The following NMT1 variants were observed in gnomAD, a reference collection of about 807,000 sequenced individuals.
The protein encoded by NMT1 is N-myristoyltransferase 1, also known as glycylpeptide N-tetradecanoyltransferase 1.
NMT1 carries 12 observed loss-of-function variants against 63.4 expected under a neutral mutation model. The ratio of observed to expected loss-of-function variants is 0.19; its 90% confidence interval spans 0.12 to 0.31. The LOEUF is 0.31. NMT1 is among the 10% of genes least tolerant of loss of function. The pLI is 1.00. For synonymous variants in NMT1, 228 were observed against 234.3 expected (o/e 0.97, Z 0.25); for missense variants, 432 against 634.6 (o/e 0.68, Z 3.43).
chr17:45,073,917 CT>C (rs2053959364), intron 1 of NMT1, among the ~76,000 whole-genome samples: 1 of 152,266 alleles, frequency 6.6e-6, no homozygotes, highest in African/African-American at 2.4e-5. Context: ...TATGATAGAG[CT>C]TTTTCTTCCC....
intron 2 of NMT1, among the ~76,000 whole-genome samples, chr17:45,085,488 T>C (rs1447252163): frequency 6.6e-6 from 1 of 152,220 alleles, no homozygotes; most frequent in Non-Finnish European, 1.5e-5. Context: ...GTGTGTGCAT[T>C]TGGAACTTGT....
intron 2 of NMT1, among the ~76,000 whole-genome samples, chr17:45,085,452 T>C (rs1335324609): frequency 6.6e-6 from 1 of 152,206 alleles, no homozygotes; most frequent in African/African-American, 2.4e-5. Context: ...TAATATTATA[T>C]GATCCAATTT....
chr17:45,098,690 G>A, intron 7 of NMT1, 138 bp downstream of exon 7: 1 of 743,412 alleles, frequency 1.3e-6, no homozygotes, highest in Non-Finnish European at 2.2e-6. Flanking sequence ...CTTGGTGCCT[G>A]CAGGAGCCAG....
chr17:45,105,832 G>A lies in NMT1; in HGVS notation c.*193G>A, dbSNP rs148324496. 8.3e-5 allele frequency: 47 copies of A among 568,902 alleles called. 1 individual carries two copies. The East Asian group carries it at 1.3e-3, about 16-fold the overall frequency. The allele number at this position is 568,902 out of a possible 1,614,324, so 35.2% of individuals were successfully genotyped here. A position where few individuals can be genotyped will look rare whatever the true frequency, so the allele number is the denominator to read the frequency against. ...GCGTGGGCTGCGTGACGTCACCTCC[G>A]GTCGTGTCTCTGGTCTCCGTGTTTT... On this transcript the variant is annotated 3_prime_UTR_variant, in exon 12 of 12. Coordinates refer to ENST00000258960, the MANE Select transcript of NMT1 (RefSeq NM_021079.5). This position sits in a 1 kb window ranked among gnomAD's most constrained non-coding sequence, Gnocchi z 4.2.
At position 45,103,186 on chromosome 17, in the gene NMT1, C is replaced by T. The variant is rs912254060; in HGVS notation, c.1164+65C>T. On this transcript the variant is annotated intron_variant, in intron 9 of 11. Transcript: ENST00000258960. This position sits in a 1 kb window ranked among gnomAD's most constrained non-coding sequence, Gnocchi z 4.8. ...CCAGAGAGGCACCCCCCTGAGTGGC[C>T]GGGTTCCCAGGGCTCGAGTGTTGGC... 7.3e-6 allele frequency: 11 copies of T among 1,517,122 alleles called. No individual in the cohort carries two copies. Among genetic ancestry groups the T allele is most frequent in the African/African-American group, 1.4e-5 (1 of 73,090 alleles). 94.0% of individuals were successfully genotyped at this position (1,517,122 alleles called of 1,614,324 possible).
chr17:45,068,001 C>A (rs570893972), intron 1 of NMT1, among the ~76,000 whole-genome samples: 2 of 152,178 alleles, frequency 1.3e-5, no homozygotes, highest in African/African-American at 4.8e-5. Flanking sequence ...GATTTATGAG[C>A]CATACATTTA....
chr17:45,088,174 C>T (rs924003749), intron 3 of NMT1, among the ~76,000 whole-genome samples: 3 of 152,176 alleles, frequency 2.0e-5, no homozygotes, highest in Admixed American at 6.5e-5. Context: ...TTTGGCTGCC[C>T]TCATCGGCCA....
intron 1 of NMT1, among the ~76,000 whole-genome samples, chr17:45,077,618 G>A (rs1182547074): frequency 1.3e-5 from 2 of 152,170 alleles, no homozygotes; most frequent in African/African-American, 2.4e-5. Flanking sequence ...TCGAACTCCC[G>A]ACCTCAGGTG....
chr17:45,098,429 T>C lies in NMT1; in HGVS notation c.761T>C (p.Leu254Pro). 6.2e-7 allele frequency: 1 copy of C among 1,614,152 alleles called. No homozygotes were observed. The highest frequency in any genetic ancestry group is 8.5e-7 in the Non-Finnish European group (1 of 1,180,012). ...EINFLCVHKK[L>P]RSKRVAPVLI... The stretch of plus-strand genomic sequence containing the variant: ...AACTTCCTGTGTGTCCACAAGAAGC[T>C]GCGTTCCAAGAGGGTTGCTCCAGTT... Residue 254 changes from leucine to proline, a missense_variant, in exon 7 of 12, where the codon CTG becomes CCG. By Grantham distance (98) the Leu-to-Pro change is moderately conservative (BLOSUM62 -3). Around this residue, in one of 4 missense-constraint regions of NMT1, gnomAD observed 295 missense variants for 489.7 expected, o/e 0.60. Transcript: ENST00000258960.
chr17:45,083,626 AT>A (rs1334282662), intron 2 of NMT1: 1 of 152,088 alleles, frequency 6.6e-6, no homozygotes, highest in Non-Finnish European at 1.5e-5. Context: ...CTTTTTATTC[AT>A]TTAATTTATT....
In NMT1 at chr17:45,108,069, G is replaced by A. The variant is rs539966111; in HGVS notation, c.*2430G>A. The A allele has an allele frequency of 6.6e-6, 1 of 152,258 alleles. No individual in the cohort carries two copies. The highest frequency in any genetic ancestry group is 1.5e-5 in the Non-Finnish European group (1 of 68,080). 9.4% of individuals were successfully genotyped at this position (152,258 alleles called of 1,614,324 possible). A position where few individuals can be genotyped will look rare whatever the true frequency, so the allele number is the denominator to read the frequency against. ...GGCCTCCCCACAGGAGCCCTGCAGT[G>A]TGGTAGCGCCATGGCTGTCTCAAAC... On this transcript the variant is annotated 3_prime_UTR_variant, in exon 12 of 12. Coordinates refer to ENST00000258960, the MANE Select transcript of NMT1 (RefSeq NM_021079.5).
At chr17:45,061,563 T>C in intron 1 of NMT1, 103 bp downstream of exon 1, 8 of 997,328 alleles carry the variant, frequency 8.0e-6, no homozygotes, top group African/African-American at 1.6e-5. Flanking sequence ...CACCCTCATG[T>C]TCTTATTGGC....
intron 3 of NMT1, among the ~76,000 whole-genome samples, chr17:45,091,650 CA>C (rs1719951106): frequency 6.6e-6 from 1 of 152,100 alleles, no homozygotes; most frequent in Non-Finnish European, 1.5e-5. Flanking sequence ...TTTGTAGGCT[CA>C]AAAATGTTTT....
chr17:45,085,116 G>A (rs1284015996), intron 2 of NMT1, among the ~76,000 whole-genome samples: 1 of 152,012 alleles, frequency 6.6e-6, no homozygotes, highest in African/African-American at 2.4e-5. Flanking sequence ...ACCTGGGCCT[G>A]GTGGCACACG....
chr17:45,083,579 A>G lies in NMT1; in HGVS notation c.240+1827A>G, dbSNP rs1354445712. On this transcript the variant is annotated intron_variant, in intron 2 of 11. Transcript: ENST00000258960. ...TGCACTTCATTTAAATTAGCTCCAAACCATCACCATCCCTACAAGGTAGGT... is the reference window on the plus strand; with the variant it reads ...TGCACTTCATTTAAATTAGCTCCAAGCCATCACCATCCCTACAAGGTAGGT... 2.0e-5 allele frequency: 3 copies of G among 152,124 alleles called. No individual in the cohort carries two copies. In the South Asian group the frequency reaches 6.2e-4, roughly 32 times the overall value. The allele number at this position is 152,124 out of a possible 1,614,324, so 9.4% of individuals were successfully genotyped here.
intron 1 of NMT1, among the ~76,000 whole-genome samples, chr17:45,064,155 A>G (rs2053886815): frequency 6.6e-6 from 1 of 152,230 alleles, no homozygotes; most frequent in African/African-American, 2.4e-5. Context: ...ACTGCACACC[A>G]GCTTGGCAAC....
chr17:45,093,976 T>C (rs1242074682), intron 4 of NMT1, among the ~76,000 whole-genome samples, 173 bp downstream of exon 4: 3 of 152,198 alleles, frequency 2.0e-5, no homozygotes, highest in Admixed American at 6.5e-5. Context: ...CATAAATAGC[T>C]CTTAGCTTTT....
intron 8 of NMT1, among the ~76,000 whole-genome samples, chr17:45,101,358 C>T (rs1184702470): frequency 6.7e-6 from 1 of 149,104 alleles, no homozygotes; most frequent in Admixed American, 6.7e-5. Context: ...TGGGCGGTGG[C>T]TCACGCCTGT....
In NMT1 at chr17:45,105,220, C is replaced by T. The variant is rs750348644; in HGVS notation, c.1470+224C>T. On this transcript the variant is annotated intron_variant, in intron 11 of 11. Transcript: ENST00000258960. This position sits in a 1 kb window ranked among gnomAD's most constrained non-coding sequence, Gnocchi z 4.2. ...GAGGGGACAGAGCCACACAGTAGCA[C>T]GAAGATCATCTCCAATGAGGCCTTC... is the stretch of plus-strand genomic sequence containing the variant. Among the ~76,000 whole-genome samples the T allele has an allele frequency of 8.5e-5, 13 of 152,184 alleles. No homozygotes were observed. The highest frequency in any genetic ancestry group is 1.9e-4 in the East Asian group (1 of 5,196).
Sources: allele counts gnomAD v4.1 joint callset (sites outside exome capture counted in the v4.1 genomes callset), GRCh38; gene constraint gnomAD v4.1.1; regional missense constraint gnomAD v4.1.1; non-coding constraint Gnocchi (gnomAD v3.1); transcripts MANE v1.5; gene names NCBI Gene and HGNC (gene_info 2026-07-23, HGNC 2026-07-21).